Variants in CPLX2 observed in about 807,000 individuals in gnomAD.
CPLX2 encodes complexin-2.
In CPLX2, 5 loss-of-function variants were observed where a neutral mutation model predicts 16.3. The ratio of observed to expected loss-of-function variants is 0.31; its 90% CI spans 0.16 to 0.64. The LOEUF (loss-of-function observed/expected upper bound fraction) is 0.64, where lower values mean the gene tolerates loss of function less well. CPLX2 is among the 30% of genes least tolerant of loss of function. The pLI, the probability that CPLX2 is intolerant of heterozygous loss-of-function variation, is 0.79. For missense variants in CPLX2, 144 were observed against 181.4 expected (o/e 0.79, Z 1.18); for synonymous variants, 89 against 73.2 (o/e 1.22, Z -1.10).
intron 3 of CPLX2, 68 bp from the exon 4 acceptor site, chr5:175,879,780 A>G: frequency 6.9e-7 from 1 of 1,458,530 alleles, no homozygotes; most frequent in Non-Finnish European, 9.4e-7. Flanking sequence ...GTGCTGCATG[A>G]TCATGAGACT....
intron 2 of CPLX2, among the ~76,000 whole-genome samples, chr5:175,853,749 C>T (rs530795323): frequency 1.3e-5 from 2 of 152,286 alleles, no homozygotes; most frequent in East Asian, 1.9e-4. Flanking sequence ...GGTTCTGGAA[C>T]CACACGGCCA....
Position 175,872,725 on chromosome 5 carries a change from C to T in CPLX2, c.-89+1020C>T, listed in dbSNP as rs1759662188. The T allele has an allele frequency of 2.6e-5, 4 of 152,294 alleles. No homozygotes were observed. The allele number at this position is 152,294 out of a possible 1,614,324, so 9.4% of individuals were successfully genotyped here. A position where few individuals can be genotyped will look rare whatever the true frequency, so the allele number is the denominator to read the frequency against. ...GGGGCGGGGGGAGGGGGTGGAGTGACATCCCCTGTCTCTGCCACTGCCTTT... is the reference window on the plus strand; with the variant it reads ...GGGGCGGGGGGAGGGGGTGGAGTGATATCCCCTGTCTCTGCCACTGCCTTT... On this transcript the variant is annotated intron_variant, in intron 1 of 3. Coordinates refer to ENST00000393745, the MANE Select transcript of CPLX2 (RefSeq NM_001008220.2). The surrounding 1 kb of genome is among the most constrained non-coding windows in gnomAD (Gnocchi z 5.0).
chr5:175,834,724 A>G (rs1293759649), intron 2 of CPLX2, among the ~76,000 whole-genome samples: 2 of 152,146 alleles, frequency 1.3e-5, no homozygotes, highest in African/African-American at 4.8e-5. Flanking sequence ...AATACAAAAA[A>G]TTAGCCAGGC....
chr5:175,799,864 C>A, intron 1 of CPLX2, among the ~76,000 whole-genome samples: 1 of 151,844 alleles, frequency 6.6e-6, no homozygotes, highest in East Asian at 1.9e-4. Context: ...GTAACTTGAT[C>A]TTGGTGGCAC....
intron 1 of CPLX2, among the ~76,000 whole-genome samples, chr5:175,807,671 CAG>C (rs1207264142): frequency 1.5e-5 from 2 of 132,668 alleles, no homozygotes; most frequent in African/African-American, 2.9e-5. Flanking sequence ...CACAGCCTGG[CAG>C]AGTCATTCAC....
At chr5:175,877,777 A>G (rs1755435765) in intron 1 of CPLX2, among the ~76,000 whole-genome samples, 1 of 152,176 alleles carries the variant, frequency 6.6e-6, no homozygotes, top group African/African-American at 2.4e-5. Flanking sequence ...ACTTTTACAT[A>G]TTTTGCATAT....
chr5:175,880,138 G>GA lies in CPLX2; in HGVS notation c.*97dup. 1 of 1,407,828 alleles carries GA rather than the reference G, an allele frequency of 7.1e-7. No individual in the cohort carries two copies. Among genetic ancestry groups the GA allele is most frequent in the Admixed American group, 2.0e-5 (1 of 50,842 alleles). 87.2% of individuals were successfully genotyped at this position (1,407,828 alleles called of 1,614,324 possible). On this transcript the variant is annotated 3_prime_UTR_variant, in exon 4 of 4. Transcript: ENST00000393745. Reference sequence around the variant, plus strand: ...TAGGTTAAGTCTCAATTCTGAAGGGGAAAACCTCAGTTGGCCTCTGCCCCT... The same window carrying GA: ...TAGGTTAAGTCTCAATTCTGAAGGGGAAAAACCTCAGTTGGCCTCTGCCCCT...
chr5:175,831,100 C>CTG (rs59852410), intron 2 of CPLX2, among the ~76,000 whole-genome samples: 21,828 of 150,610 alleles, frequency 0.14, 1,816 homozygotes, highest in East Asian at 0.3. Flanking sequence ...CAGCTTGCCT[C>CTG]TGTGTGTGTG....
chr5:175,841,634 C>T (rs1203286461), intron 2 of CPLX2, among the ~76,000 whole-genome samples: 1 of 152,136 alleles, frequency 6.6e-6, no homozygotes, highest in Non-Finnish European at 1.5e-5. Context: ...GGTCCCTTAC[C>T]AGCAGGGACA....
chr5:175,856,031 A>G (rs866861127), intron 2 of CPLX2, among the ~76,000 whole-genome samples: 20 of 152,320 alleles, frequency 1.3e-4, no homozygotes, highest in Middle Eastern at 6.8e-3. Flanking sequence ...AGTGAGCCTC[A>G]TCTCCCATGC....
At chr5:175,836,176 C>A (rs1015002654) in intron 2 of CPLX2, among the ~76,000 whole-genome samples, 1 of 152,082 alleles carries the variant, frequency 6.6e-6, no homozygotes, top group African/African-American at 2.4e-5. Context: ...CGGTGAAACC[C>A]CGTCTCTACT....
chr5:175,838,520 G>GT (rs1758885268), intron 2 of CPLX2, among the ~76,000 whole-genome samples: 1 of 151,706 alleles, frequency 6.6e-6, no homozygotes, highest in Non-Finnish European at 1.5e-5. Flanking sequence ...CAACCGCCTC[G>GT]GCCTCCCAAA....
intron 2 of CPLX2, among the ~76,000 whole-genome samples, chr5:175,824,380 C>T (rs932166065): frequency 6.6e-6 from 1 of 152,192 alleles, no homozygotes; most frequent in Non-Finnish European, 1.5e-5. Flanking sequence ...GGCCTTGCTG[C>T]CAGAAAGTGC....
chr5:175,841,929 T>C (rs1023585122), intron 2 of CPLX2, among the ~76,000 whole-genome samples: 1 of 152,242 alleles, frequency 6.6e-6, no homozygotes, highest in African/African-American at 2.4e-5. Flanking sequence ...GAATAGATGT[T>C]GATTACCTTT....
Position 175,878,722 on chromosome 5 carries a change from C to T in CPLX2, c.-18C>T, listed in dbSNP as rs1178376357. The T allele has an allele frequency of 6.2e-7, 1 of 1,612,846 alleles. No individual in the cohort carries two copies. The highest frequency in any genetic ancestry group is 2.2e-5 in the East Asian group (1 of 44,842). On this transcript the variant is annotated 5_prime_UTR_variant, in exon 2 of 4. Coordinates refer to ENST00000393745, the MANE Select transcript of CPLX2 (RefSeq NM_001008220.2). ...AAATTCTGCCGTGGGCTAAGGCACGCTAACCAGAGCCGGCGGCATGGACTT... is the reference window on the plus strand; with the variant it reads ...AAATTCTGCCGTGGGCTAAGGCACGTTAACCAGAGCCGGCGGCATGGACTT...
At chr5:175,869,865 C>A (rs1209041330), upstream of CPLX2, among the ~76,000 whole-genome samples, 1 of 152,204 alleles carries the variant, frequency 6.6e-6, no homozygotes, top group Non-Finnish European at 1.5e-5. Context: ...TGTAGCCCAG[C>A]TCAGTTGATG....
At position 175,818,128 on chromosome 5, in the gene CPLX2, T is replaced by C. The variant is rs554774444; in HGVS notation, c.-89+9060T>C. On this transcript the variant is annotated intron_variant, in intron 2 of 4. Transcript: ENST00000359546. Reference sequence around the variant, plus strand: ...TGATAACATGGAAACCATTTGAGTATTGCTGAGATAAAGGAAAGTTCAATG... The same window carrying C: ...TGATAACATGGAAACCATTTGAGTACTGCTGAGATAAAGGAAAGTTCAATG... Among the ~76,000 whole-genome samples the C allele has an allele frequency of 2.0e-5, 3 of 152,150 alleles. No individual in the cohort carries two copies. The East Asian group carries it at 5.8e-4, about 29-fold the overall frequency.
chr5:175,875,099 C>T (rs182554535), intron 1 of CPLX2, among the ~76,000 whole-genome samples: 1 of 152,278 alleles, frequency 6.6e-6, no homozygotes, highest in African/African-American at 2.4e-5. Flanking sequence ...TTTCAGGGCT[C>T]CTGCAGAGGC....
chr5:175,856,039 T>C (rs540435136), intron 2 of CPLX2, among the ~76,000 whole-genome samples: 14 of 152,294 alleles, frequency 9.2e-5, no homozygotes, highest in Admixed American at 3.3e-4. Flanking sequence ...TCATCTCCCA[T>C]GCAGACATCC....
Sources: allele counts gnomAD v4.1 joint callset (sites outside exome capture counted in the v4.1 genomes callset), GRCh38; gene constraint gnomAD v4.1.1; non-coding constraint Gnocchi (gnomAD v3.1); transcripts MANE v1.5; gene names NCBI Gene and HGNC (gene_info 2026-07-23, HGNC 2026-07-21).